ANO1: variants seen among roughly 807,000 people sequenced by gnomAD.
The protein encoded by ANO1 is anoctamin-1.
A neutral mutation model predicts 124.0 loss-of-function variants in ANO1; 59 were observed. The ratio of observed to expected loss-of-function variants is 0.48; its 90% CI spans 0.39 to 0.59. The LOEUF (loss-of-function observed/expected upper bound fraction) is 0.59. Ranked by LOEUF, ANO1 falls within the 20% of genes least tolerant of loss-of-function variation. ANO1 has a pLI of 0.00. For missense variants in ANO1, 1,059 were observed against 1,328.0 expected, an observed-to-expected ratio of 0.80 and a Z score of 3.15; for synonymous variants, 529 against 532.0, an observed-to-expected ratio of 0.99 and a Z score of 0.08.
rs868995919 is a variant in ANO1 at position 70,053,740 on chromosome 11, A to G, written c.59-24802A>G. 5.9e-5 allele frequency among the ~76,000 whole-genome samples: 9 copies of G among 152,314 alleles called. 1 individual carries two copies. Among genetic ancestry groups the G allele is most frequent in the Admixed American group, 3.9e-4 (6 of 15,306 alleles). Reference sequence around the variant, plus strand: ...TGGTCTCTCTCCCTATTCCTGGAAGAGTTTCTGGAAGATTGGTGTTATTTC... The same window carrying G: ...TGGTCTCTCTCCCTATTCCTGGAAGGGTTTCTGGAAGATTGGTGTTATTTC... On this transcript the variant is annotated intron_variant, in intron 1 of 27. Transcript: ENST00000531349.
intron 1 of ANO1, among the ~76,000 whole-genome samples, chr11:70,029,483 G>A (rs909003550): frequency 1.3e-5 from 2 of 152,212 alleles, no homozygotes; most frequent in Non-Finnish European, 2.9e-5. Context: ...TGCTGGCAGG[G>A]AGGAGTCTCC....
chr11:70,052,267 T>C (rs1417229657), intron 1 of ANO1, among the ~76,000 whole-genome samples: 2 of 152,266 alleles, frequency 1.3e-5, no homozygotes, highest in Non-Finnish European at 2.9e-5. Flanking sequence ...GAATCTCTGC[T>C]TTGATCCATG....
chr11:70,180,170 G>A, intron 23 of ANO1, 114 bp downstream of exon 23: 1 of 946,536 alleles, frequency 1.1e-6, no homozygotes, highest in Non-Finnish European at 1.7e-6. Context: ...CCATGGTGCA[G>A]CCCCAGGCTG....
chr11:70,113,401 G>A (rs1311833431), intron 7 of ANO1, among the ~76,000 whole-genome samples: 1 of 152,202 alleles, frequency 6.6e-6, no homozygotes, highest in Admixed American at 6.5e-5. Context: ...TTCAAGGGCA[G>A]AGTTCAGGCC....
At chr11:70,179,263 G>T (rs1403513983) in intron 22 of ANO1, among the ~76,000 whole-genome samples, 1 of 152,242 alleles carries the variant, frequency 6.6e-6, no homozygotes, top group African/African-American at 2.4e-5. Context: ...ACATTGCTGG[G>T]CATGATAGGG....
chr11:69,980,983 T>G (rs969525699), upstream of ANO1, among the ~76,000 whole-genome samples: 3 of 151,400 alleles, frequency 2.0e-5, no homozygotes, highest in Non-Finnish European at 4.4e-5. Flanking sequence ...ACCCGGGAGG[T>G]GGAGGTTGCA....
chr11:69,992,579 C>A (rs1426648422), intron 1 of ANO1, among the ~76,000 whole-genome samples: 2 of 152,120 alleles, frequency 1.3e-5, no homozygotes, highest in Non-Finnish European at 2.9e-5. Context: ...AAAGGCCTAC[C>A]AGTTAGGTAT....
the ANO1 span, among the ~76,000 whole-genome samples, chr11:69,968,826 A>G: frequency 6.6e-6 from 1 of 152,194 alleles, no homozygotes; most frequent in Non-Finnish European, 1.5e-5. Context: ...TGGTACTCTT[A>G]TGCCAACTAC....
chr11:70,005,857 T>A (rs2120353253), intron 1 of ANO1, among the ~76,000 whole-genome samples: 1 of 152,330 alleles, frequency 6.6e-6, no homozygotes, highest in East Asian at 1.9e-4. Context: ...ATTCTGATCA[T>A]TTTTAGTAGT....
At chr11:70,077,018 G>A (rs1195603886), upstream of ANO1, among the ~76,000 whole-genome samples, 1 of 145,330 alleles carries the variant, frequency 6.9e-6, no homozygotes, top group Non-Finnish European at 1.5e-5. Context: ...GCTGGAAGGT[G>A]CCAGAGCTGG....
intron 10 of ANO1, among the ~76,000 whole-genome samples, chr11:70,127,844 G>A (rs551198193): frequency 4.6e-5 from 7 of 152,372 alleles, no homozygotes; most frequent in African/African-American, 2.4e-5. Context: ...TTTCTATGCC[G>A]ACAGGCAGTG....
chr11:70,122,636 TTC>T (rs955144637), intron 8 of ANO1, among the ~76,000 whole-genome samples: 1 of 128,182 alleles, frequency 7.8e-6, no homozygotes, highest in Admixed American at 7.7e-5. Flanking sequence ...TCCCTCCCCC[TTC>T]TCTCTCTCTG....
At chr11:70,118,326 C>T (rs1364031704) in intron 8 of ANO1, among the ~76,000 whole-genome samples, 1 of 152,142 alleles carries the variant, frequency 6.6e-6, no homozygotes, top group Non-Finnish European at 1.5e-5. Flanking sequence ...GAAATACCTA[C>T]TGGGCACTAC....
the ANO1 span, among the ~76,000 whole-genome samples, chr11:69,980,591 A>G: frequency 1.3e-5 from 2 of 151,982 alleles, no homozygotes; most frequent in Non-Finnish European, 2.9e-5. Context: ...ACTGCACTCC[A>G]GCCTGGGTGA....
chr11:70,037,986 A>G (rs1857121979), intron 1 of ANO1, among the ~76,000 whole-genome samples: 1 of 152,182 alleles, frequency 6.6e-6, no homozygotes, highest in Non-Finnish European at 1.5e-5. Context: ...GAGCATGAGG[A>G]TTAAAACGTG....
At chr11:70,013,608 G>A (rs937524752) in intron 1 of ANO1, among the ~76,000 whole-genome samples, 11 of 143,872 alleles carry the variant, frequency 7.6e-5, no homozygotes, top group South Asian at 2.4e-4. Context: ...GTGAAACCCC[G>A]TCTCCACTAA....
intron 1 of ANO1, among the ~76,000 whole-genome samples, chr11:69,987,316 A>C (rs990448483): frequency 2.0e-5 from 3 of 152,208 alleles, no homozygotes; most frequent in Admixed American, 6.5e-5. Context: ...CTGGAAACAC[A>C]GCCCCAGCTC....
intron 1 of ANO1, among the ~76,000 whole-genome samples, chr11:70,017,154 C>G (rs1856716924): frequency 6.6e-6 from 1 of 152,180 alleles, no homozygotes; most frequent in South Asian, 2.1e-4. Context: ...GGTGTGTCTT[C>G]TCTCCCCATC....
intron 11 of ANO1, 134 bp from the exon 12 acceptor site, chr11:70,149,576 A>T: frequency 3.4e-6 from 3 of 870,576 alleles, no homozygotes; most frequent in Non-Finnish European, 3.5e-6. Flanking sequence ...GCTTGAACCC[A>T]GGAGGCGAGA....
Sources: allele counts gnomAD v4.1 joint callset (sites outside exome capture counted in the v4.1 genomes callset), GRCh38; gene constraint gnomAD v4.1.1; transcripts MANE v1.5; gene names NCBI Gene and HGNC (gene_info 2026-07-23, HGNC 2026-07-21).